The following ZNF721 variants were observed in gnomAD, a reference collection of about 807,000 sequenced individuals.
ZNF721 encodes zinc finger protein 721.
Under a neutral mutation model 2.4 loss-of-function variants are expected in ZNF721, and 2 were observed. The ratio of observed to expected loss-of-function variants is 0.82; its 90% CI spans 0.34 to 2.58. The LOEUF (loss-of-function observed/expected upper bound fraction) is 2.58, where lower values mean the gene tolerates loss of function less well. Ranked by LOEUF, ZNF721 falls within the 30% of genes most tolerant of loss-of-function variation. The probability of loss-of-function intolerance (pLI) is 0.11; values close to 1 mark genes in which losing one functional copy is unlikely to be tolerated. For synonymous variants in ZNF721, 398 were observed against 381.8 expected, an observed-to-expected ratio of 1.04 and a Z score of -0.50; for missense variants, 1,187 against 1,085.5, an observed-to-expected ratio of 1.09 and a Z score of -1.31.
At chr4:449,245 T>C (rs375212838) in intron 2 of ZNF721, among the ~76,000 whole-genome samples, 1 of 152,136 alleles carries the variant, frequency 6.6e-6, no homozygotes, top group South Asian at 2.1e-4. Flanking sequence ...CTAAAAGAGA[T>C]AGAGGTATGA....
rs1326366085 is a variant in ZNF721, at chr4:442,603, A to C, written c.1864T>G (p.Phe622Val). The change falls in exon 3 of 3, where the codon TTT (phenylalanine) becomes GTT (valine). Residue 622 changes from phenylalanine to valine, a missense_variant. By Grantham distance (50) the Phe-to-Val change is conservative. Transcript: ENST00000511833. ...LYKCEECGKDFVWYTDLNQQK... is the reference protein window; with the variant it reads ...LYKCEECGKDVVWYTDLNQQK... Reference sequence around the variant, plus strand: ...TGATTCAGGTCCGTGTACCATACAAAGTCTTTGCCACACTCTTCACATTTG... The same window carrying C: ...TGATTCAGGTCCGTGTACCATACAACGTCTTTGCCACACTCTTCACATTTG... 1 of 1,613,646 alleles carries C rather than the reference A, an allele frequency of 6.2e-7. No individual in the cohort carries two copies. Among genetic ancestry groups the C allele is most frequent in the African/African-American group, 1.3e-5 (1 of 74,880 alleles).
intron 2 of ZNF721, among the ~76,000 whole-genome samples, chr4:454,282 T>A (rs1714768425): frequency 6.6e-6 from 1 of 152,198 alleles, no homozygotes; most frequent in Non-Finnish European, 1.5e-5. Context: ...TCCCTGGTGG[T>A]GATAGCCTAC....
At chr4:466,499 T>A (rs1715255085) in intron 2 of ZNF721, among the ~76,000 whole-genome samples, 1 of 152,240 alleles carries the variant, frequency 6.6e-6, no homozygotes, top group South Asian at 2.1e-4. Flanking sequence ...TTTGTACATC[T>A]CAGTTCATAA....
intron 1 of ZNF721, among the ~76,000 whole-genome samples, chr4:477,174 C>CTGCA (rs1715644980): frequency 6.6e-6 from 1 of 151,962 alleles, no homozygotes; most frequent in Non-Finnish European, 1.5e-5. Flanking sequence ...TCCTCTGACA[C>CTGCA]TGCAAGTCAA....
chr4:441,847 A>G lies in ZNF721; in HGVS notation c.2620T>C (p.Phe874Leu). ...PYTCGECGKT[F>L]RQSANLYAHK... Reference sequence around the variant, plus strand: ...GCATAAAGATTTGCAGACTGTCTAAAGGTTTTGCCACATTCTCCACATGTG... The same window carrying G: ...GCATAAAGATTTGCAGACTGTCTAAGGGTTTTGCCACATTCTCCACATGTG... Residue 874 changes from phenylalanine to leucine, a missense_variant, in exon 3 of 3, where the codon TTT becomes CTT. Transcript: ENST00000511833. The G allele has an allele frequency of 6.2e-7, 1 of 1,614,034 alleles. No homozygotes were observed. The highest frequency in any genetic ancestry group is 8.5e-7 in the Non-Finnish European group (1 of 1,179,998).
At chr4:472,920 C>T (rs893839653) in intron 1 of ZNF721, among the ~76,000 whole-genome samples, 1 of 152,006 alleles carries the variant, frequency 6.6e-6, no homozygotes, top group Non-Finnish European at 1.5e-5. Flanking sequence ...CACTGACCTG[C>T]CCCTACCAAA....
chr4:453,606 G>T (rs1397102597), intron 2 of ZNF721: 1 of 152,194 alleles, frequency 6.6e-6, no homozygotes, highest in Non-Finnish European at 1.5e-5. Context: ...ATGTGTCTTT[G>T]TATCTGAGGC....
At chr4:459,648 G>C (rs1553865815) in intron 2 of ZNF721, among the ~76,000 whole-genome samples, 1 of 152,088 alleles carries the variant, frequency 6.6e-6, no homozygotes, top group Non-Finnish European at 1.5e-5. Flanking sequence ...TGGTTAACAT[G>C]GTGAAACCCC....
chr4:478,669 A>C (rs554117570), intron 1 of ZNF721, among the ~76,000 whole-genome samples: 8 of 152,296 alleles, frequency 5.3e-5, no homozygotes, highest in African/African-American at 1.9e-4. Context: ...TTGGAATAAT[A>C]CTGTTTATGA....
At chr4:487,966 G>A (rs1715937236) in intron 1 of ZNF721, among the ~76,000 whole-genome samples, 1 of 152,140 alleles carries the variant, frequency 6.6e-6, no homozygotes, top group Non-Finnish European at 1.5e-5. Flanking sequence ...AGTGGCCGTG[G>A]GCCAAGCACA....
chr4:444,159 T>C lies in ZNF721; in HGVS notation c.308A>G (p.His103Arg), dbSNP rs554525007. The change falls in exon 3 of 3, where the codon CAT (histidine) becomes CGT (arginine). Residue 103 changes from histidine (H) to arginine (R), a missense_variant. Coordinates refer to ENST00000511833, the MANE Select transcript of ZNF721 (RefSeq NM_133474.4). ...FANSNKDKTR[H>R]TGEKHFKCNE... ...ACATTTAAAGTGTTTCTCTCCAGTATGTCTTGTCTTATCTTTGTTTGAATT... is the reference window on the plus strand; with the variant it reads ...ACATTTAAAGTGTTTCTCTCCAGTACGTCTTGTCTTATCTTTGTTTGAATT... 2.7e-5 allele frequency: 43 copies of C among 1,613,958 alleles called. No homozygotes were observed. In the East Asian group the frequency reaches 9.4e-4, roughly 35 times the overall value.
intron 2 of ZNF721, among the ~76,000 whole-genome samples, chr4:460,690 A>T (rs1553865949): frequency 1.3e-5 from 2 of 149,898 alleles, no homozygotes; most frequent in African/African-American, 4.8e-5. Flanking sequence ...AACAAAATAG[A>T]TAGACCACTA....
intron 2 of ZNF721, among the ~76,000 whole-genome samples, chr4:455,747 T>G (rs73070378): frequency 2.1e-4 from 32 of 152,248 alleles, no homozygotes; most frequent in African/African-American, 7.2e-4. Flanking sequence ...AAATGGCAGT[T>G]TATAGTTCAT....
intron 2 of ZNF721, among the ~76,000 whole-genome samples, chr4:457,139 A>G (rs1387017064): frequency 1.3e-5 from 2 of 152,238 alleles, no homozygotes; most frequent in African/African-American, 4.8e-5. Flanking sequence ...GCATTTCAAT[A>G]CAATTATTTA....
chr4:489,865 T>C (rs1220609025), intron 1 of ZNF721, among the ~76,000 whole-genome samples: 1 of 152,134 alleles, frequency 6.6e-6, no homozygotes, highest in African/African-American at 2.4e-5. Flanking sequence ...TAAATTTAAT[T>C]GTATTTATTT....
chr4:499,134 T>G lies in ZNF721; in HGVS notation c.-172A>C. 1.7e-6 allele frequency: 1 copy of G among 590,800 alleles called. No homozygotes were observed. Among genetic ancestry groups the G allele is most frequent in the Non-Finnish European group, 2.9e-6 (1 of 346,782 alleles). The allele number at this position is 590,800 out of a possible 1,614,324, so 36.6% of individuals were successfully genotyped here. ...CCGGGAACACCGCCCGCTGTTCGTA[T>G]GTCCGAGGTGACGCCCCGCTGTGGC... On this transcript the variant is annotated 5_prime_UTR_variant, in exon 1 of 3. Transcript: ENST00000511833.
intron 2 of ZNF721, among the ~76,000 whole-genome samples, chr4:455,722 T>A (rs1477892822): frequency 3.9e-5 from 6 of 151,920 alleles, no homozygotes; most frequent in Non-Finnish European, 7.4e-5. Flanking sequence ...CTTCAAGAGC[T>A]GAAGAAAAAG....
chr4:455,698 A>C (rs1553865343), intron 2 of ZNF721, among the ~76,000 whole-genome samples: 1 of 152,206 alleles, frequency 6.6e-6, no homozygotes, highest in Non-Finnish European at 1.5e-5. Context: ...AGAAACAGTA[A>C]GTAAAATGGT....
At chr4:477,663 GAGC>G (rs1553868831) in intron 1 of ZNF721, among the ~76,000 whole-genome samples, 1 of 152,068 alleles carries the variant, frequency 6.6e-6, no homozygotes, top group Non-Finnish European at 1.5e-5. Context: ...AGTTTAAAAT[GAGC>G]AGAAAAAAGA....
Sources: gnomAD v4.1 joint callset for allele counts (sites outside exome capture counted in the v4.1 genomes callset) on GRCh38, gnomAD v4.1.1 for gene constraint, MANE v1.5 for transcripts, NCBI Gene and HGNC (gene_info 2026-07-23, HGNC 2026-07-21) for gene names.